The following ZHX2 variants were observed in gnomAD, a reference collection of about 807,000 sequenced individuals.
ZHX2 encodes the protein zinc fingers and homeoboxes 2.
Under a neutral mutation model 21.9 loss-of-function variants are expected in ZHX2, and 6 were observed. The observed-to-expected ratio is 0.27, with a 90% CI of 0.15 to 0.54. The LOEUF (loss-of-function observed/expected upper bound fraction) is 0.54. Ranked by LOEUF, ZHX2 falls within the 20% of genes least tolerant of loss-of-function variation. The probability of loss-of-function intolerance (pLI) is 0.95; values close to 1 mark genes in which losing one functional copy is unlikely to be tolerated. For synonymous variants in ZHX2, 434 were observed against 437.1 expected, an observed-to-expected ratio of 0.99 and a Z score of 0.09; for missense variants, 908 against 1,090.7, an observed-to-expected ratio of 0.83 and a Z score of 2.36.
At position 122,782,124 on chromosome 8, in the gene ZHX2, AAG is replaced by A. The variant is rs1491312981; in HGVS notation, c.-283+179_-283+180del. On this transcript the variant is annotated intron_variant, in intron 1 of 3. Transcript: ENST00000314393. The surrounding 1 kb of genome is among the most constrained non-coding windows in gnomAD (Gnocchi z 5.3). ...GTTTGTGATTGGAAGGGGGGTACGG[AAG>A]GGGGGGGGTGTGCAGGCTCTTTTTG... Among the ~76,000 whole-genome samples, 1 of 41,034 alleles carries A rather than the reference AAG, an allele frequency of 2.4e-5. No homozygotes were observed. The highest frequency in any genetic ancestry group is 7.7e-5 in the Non-Finnish European group (1 of 13,064). 26.9% of individuals were successfully genotyped at this position (41,034 alleles called of 152,430 possible).
chr8:122,852,919 C>T (rs1036507065), intron 1 of ZHX2, among the ~76,000 whole-genome samples: 5 of 152,016 alleles, frequency 3.3e-5, no homozygotes, highest in Admixed American at 2.6e-4. Flanking sequence ...AAATGAAGCC[C>T]TTATGGTCAC....
chr8:122,900,363 G>A (rs1236209190), intron 2 of ZHX2, among the ~76,000 whole-genome samples: 1 of 152,108 alleles, frequency 6.6e-6, no homozygotes, highest in African/African-American at 2.4e-5. Context: ...GGAGATGCCA[G>A]GTTCTGTTTA....
chr8:122,873,831 C>T (rs756537840), intron 2 of ZHX2, among the ~76,000 whole-genome samples: 5 of 152,110 alleles, frequency 3.3e-5, no homozygotes, highest in Non-Finnish European at 7.4e-5. Context: ...AGAGGCCTCC[C>T]GAATTGCTTA....
chr8:122,815,873 G>C (rs1484542972), intron 1 of ZHX2: 1 of 152,152 alleles, frequency 6.6e-6, no homozygotes, highest in African/African-American at 2.4e-5. Context: ...CGGAACACCT[G>C]AGGTTAGGTG....
chr8:122,918,609 G>A (rs1820661386), intron 2 of ZHX2, among the ~76,000 whole-genome samples: 1 of 152,174 alleles, frequency 6.6e-6, no homozygotes, highest in Admixed American at 6.5e-5. Context: ...TAATTCTGCT[G>A]TTGAAGCATG....
intron 1 of ZHX2, among the ~76,000 whole-genome samples, chr8:122,785,313 G>A (rs1464091692): frequency 6.6e-6 from 1 of 152,190 alleles, no homozygotes; most frequent in Non-Finnish European, 1.5e-5. Context: ...ACGGGGTGAG[G>A]GGTAAAGGGA....
intron 1 of ZHX2, among the ~76,000 whole-genome samples, chr8:122,794,853 A>G (rs1339929329): frequency 6.6e-6 from 1 of 152,170 alleles, no homozygotes; most frequent in East Asian, 1.9e-4. Context: ...CAGAAAGACT[A>G]TCCCCAAGCT....
intron 2 of ZHX2, among the ~76,000 whole-genome samples, chr8:122,880,050 G>A (rs1011458014): frequency 6.8e-6 from 1 of 146,000 alleles, no homozygotes; most frequent in African/African-American, 2.6e-5. Context: ...TCAGCTCACT[G>A]CAACCTCCAC....
rs527315893 is a variant in ZHX2, at chr8:122,830,501, C to T, written c.-282-32976C>T. Among the ~76,000 whole-genome samples the T allele has an allele frequency of 3.3e-5, 5 of 152,184 alleles. No individual in the cohort carries two copies. The South Asian group carries it at 6.2e-4, about 19-fold the overall frequency. ...CAACTTTCTTAATAACTACTTCAGGCGGGACATAGGGGGTGGTGTGGGCAC... is the reference window on the plus strand; with the variant it reads ...CAACTTTCTTAATAACTACTTCAGGTGGGACATAGGGGGTGGTGTGGGCAC... On this transcript the variant is annotated intron_variant, in intron 1 of 3. Coordinates refer to ENST00000314393, the MANE Select transcript of ZHX2 (RefSeq NM_014943.5).
chr8:122,819,555 A>C (rs1818099552), intron 1 of ZHX2, among the ~76,000 whole-genome samples: 1 of 152,238 alleles, frequency 6.6e-6, no homozygotes, highest in Non-Finnish European at 1.5e-5. Flanking sequence ...ACTGGGACAC[A>C]TCTGCTTCCA....
rs941980402 is a variant in ZHX2 at position 122,781,857 on chromosome 8, G to C, written c.-372G>C. On this transcript the variant is annotated 5_prime_UTR_variant, in exon 1 of 4. Transcript: ENST00000314393. This position sits in a 1 kb window ranked among gnomAD's most constrained non-coding sequence, Gnocchi z 4.6. Reference sequence around the variant, plus strand: ...GCCCGGTGGGGAGTGGGGAGTGGGTGGGGGGAGCCAGCAGAGTTCCATTTT... The same window carrying C: ...GCCCGGTGGGGAGTGGGGAGTGGGTCGGGGGAGCCAGCAGAGTTCCATTTT... 2.6e-4 allele frequency: 40 copies of C among 152,184 alleles called. No individual in the cohort carries two copies. The highest frequency in any genetic ancestry group is 8.4e-4 in the African/African-American group (35 of 41,424). 9.4% of individuals were successfully genotyped at this position (152,184 alleles called of 1,614,324 possible).
At chr8:122,867,052 C>T (rs1326668641) in intron 2 of ZHX2, among the ~76,000 whole-genome samples, 7 of 151,084 alleles carry the variant, frequency 4.6e-5, no homozygotes, top group East Asian at 1.9e-4. Flanking sequence ...AGGCGGGTCT[C>T]GAACCCCTGG....
At chr8:122,816,882 T>C (rs979220998) in intron 1 of ZHX2, among the ~76,000 whole-genome samples, 5 of 152,216 alleles carry the variant, frequency 3.3e-5, no homozygotes, top group African/African-American at 1.2e-4. Context: ...TAGGAGTTTA[T>C]TTGTTATTGC....
rs150396779 is a variant in ZHX2 at position 122,877,462 on chromosome 8, G to A, written c.-220+13923G>A. On this transcript the variant is annotated intron_variant, in intron 2 of 3. Transcript: ENST00000314393. ...ATTTAATCTTCATAGGCAACCCTGTGAGATAGGTACTATGTCATCATTGTT... is the reference window on the plus strand; with the variant it reads ...ATTTAATCTTCATAGGCAACCCTGTAAGATAGGTACTATGTCATCATTGTT... 2.8e-3 allele frequency among the ~76,000 whole-genome samples: 427 copies of A among 152,274 alleles called. 4 individuals carry two copies. Among genetic ancestry groups the A allele is most frequent in the African/African-American group, 9.6e-3 (398 of 41,556 alleles).
At chr8:122,882,216 C>T (rs80352412) in intron 2 of ZHX2, among the ~76,000 whole-genome samples, 13 of 152,164 alleles carry the variant, frequency 8.5e-5, no homozygotes, top group African/African-American at 2.9e-4. Flanking sequence ...ACATTTCAAA[C>T]TTAGGCAAGC....
chr8:122,798,985 A>G (rs530960190), intron 1 of ZHX2, among the ~76,000 whole-genome samples: 5 of 152,124 alleles, frequency 3.3e-5, no homozygotes, highest in Admixed American at 6.5e-5. Context: ...TTTATAAGAG[A>G]GGCAATGGAG....
intron 2 of ZHX2, among the ~76,000 whole-genome samples, chr8:122,912,358 C>T (rs574718712): frequency 1.1e-4 from 16 of 152,298 alleles, no homozygotes; most frequent in South Asian, 1.0e-3. Flanking sequence ...CTGGGCAGCA[C>T]GAGCATGGCC....
At chr8:122,872,238 C>A (rs1326514148) in intron 2 of ZHX2, among the ~76,000 whole-genome samples, 1 of 152,212 alleles carries the variant, frequency 6.6e-6, no homozygotes, top group Non-Finnish European at 1.5e-5. Flanking sequence ...AAGACAGAAC[C>A]CTGAGGCAGC....
intron 1 of ZHX2, among the ~76,000 whole-genome samples, chr8:122,787,602 C>T (rs2130521442): frequency 6.6e-6 from 1 of 152,312 alleles, no homozygotes; most frequent in Non-Finnish European, 1.5e-5. Context: ...AGTTCAGGGT[C>T]AGGGAATAGA....
Sources: allele counts gnomAD v4.1 joint callset (sites outside exome capture counted in the v4.1 genomes callset), GRCh38; gene constraint gnomAD v4.1.1; non-coding constraint Gnocchi (gnomAD v3.1); transcripts MANE v1.5; gene names NCBI Gene and HGNC (gene_info 2026-07-23, HGNC 2026-07-21).